PACRGL: variants seen among roughly 807,000 people sequenced by gnomAD.
PACRGL encodes PACRG-like protein.
In PACRGL, 38 loss-of-function variants were observed where a neutral mutation model predicts 34.5. The observed-to-expected ratio is 1.10, with a 90% confidence interval of 0.85 to 1.44. The LOEUF (loss-of-function observed/expected upper bound fraction) is 1.44, where lower values mean the gene tolerates loss of function less well. Among genes scored for constraint, PACRGL ranks in the 40% most tolerant of loss-of-function variants. The pLI is 0.00. For synonymous variants in PACRGL, 128 were observed against 100.1 expected, an observed-to-expected ratio of 1.28 and a Z score of -1.66; for missense variants, 305 against 281.4, an observed-to-expected ratio of 1.08 and a Z score of -0.60.
At chr4:20,758,246 TTAAAA>T in the PACRGL span, among the ~76,000 whole-genome samples, 1 of 152,198 alleles carries the variant, frequency 6.6e-6, no homozygotes, top group African/African-American at 2.4e-5. Flanking sequence ...TTCTTTCCAA[TTAAAA>T]TAATATCTAG....
chr4:20,767,245 G>C, the PACRGL span: 13 of 152,100 alleles, frequency 8.5e-5, no homozygotes, highest in African/African-American at 3.1e-4. Context: ...CTATTCTAGT[G>C]TTATAAGTTG....
At chr4:20,732,744 AC>A, downstream of PACRGL, 1 of 1,612,788 alleles carries the variant, frequency 6.2e-7, no homozygotes. Flanking sequence ...ATGTACATTT[AC>A]CCATCATATC....
exon 9 of PACRGL, chr4:20,752,810 G>A (rs1037300984): frequency 4.6e-5 from 7 of 152,152 alleles, no homozygotes; most frequent in Non-Finnish European, 7.3e-5. Context: ...ATAAAATGAC[G>A]AAAAGAGAAA....
intron 8 of PACRGL, among the ~76,000 whole-genome samples, chr4:20,745,765 C>G (rs1396067795): frequency 6.6e-6 from 1 of 152,156 alleles, no homozygotes; most frequent in Non-Finnish European, 1.5e-5. Context: ...TAATGAGTGC[C>G]TCAGTGCTGG....
At chr4:20,726,700 T>G (rs1053630305) in intron 8 of PACRGL, among the ~76,000 whole-genome samples, 1 of 152,224 alleles carries the variant, frequency 6.6e-6, no homozygotes. Context: ...TATTCAACTT[T>G]TGGATACAGG....
intron 7 of PACRGL, among the ~76,000 whole-genome samples, chr4:20,717,208 A>G (rs1740536056): frequency 6.6e-6 from 1 of 151,770 alleles, no homozygotes; most frequent in African/African-American, 2.4e-5. Flanking sequence ...AATTTGTTTG[A>G]GTTCTTTGTG....
At chr4:20,761,032 TAAGTA>T in the PACRGL span, among the ~76,000 whole-genome samples, 2 of 152,178 alleles carry the variant, frequency 1.3e-5, no homozygotes, top group Non-Finnish European at 2.9e-5. Context: ...TGGTAGACTT[TAAGTA>T]AAGCAGATTG....
At chr4:20,751,366 T>G (rs1753595045) in intron 8 of PACRGL, among the ~76,000 whole-genome samples, 1 of 152,106 alleles carries the variant, frequency 6.6e-6, no homozygotes, top group Non-Finnish European at 1.5e-5. Flanking sequence ...ACCATAAACT[T>G]AGTTCTGTTG....
At position 20,704,780 on chromosome 4, in the gene PACRGL, C is replaced by A. The variant is rs747894134; in HGVS notation, c.173C>A (p.Pro58Gln). ...TCTGCAAGAAAACTTCATCCTAGAC[C>A]AAGTGATAAACTGAACCCTAAAACA... ...PESARKLHPR[P>Q]SDKLNPKTIN... Residue 58 changes from proline (P) to glutamine (Q), a missense_variant, in exon 3 of 9, where the codon CCA becomes CAA. By Grantham distance (76) the Pro-to-Gln change is moderately conservative. Transcript: ENST00000503585. 1.9e-6 allele frequency: 3 copies of A among 1,614,084 alleles called. No homozygotes were observed. The highest frequency in any genetic ancestry group is 2.5e-6 in the Non-Finnish European group (3 of 1,179,954).
rs7688805 is a variant in PACRGL at position 20,730,711 on chromosome 4, A to G, written c.*3370A>G. 1.3e-5 allele frequency among the ~76,000 whole-genome samples: 2 copies of G among 152,120 alleles called. No individual in the cohort carries two copies. The highest frequency in any genetic ancestry group is 4.8e-5 in the African/African-American group (2 of 41,418). ...ATGGTCTCTCAATTACAGAGAAAGAATTGGGGAGCAGAAACCACTGCTCAG... is the reference window on the plus strand; with the variant it reads ...ATGGTCTCTCAATTACAGAGAAAGAGTTGGGGAGCAGAAACCACTGCTCAG... On this transcript the variant is annotated 3_prime_UTR_variant, in exon 9 of 9. Coordinates refer to ENST00000503585, the MANE Select transcript of PACRGL (RefSeq NM_001258345.3).
chr4:20,718,471 C>A (rs1315728065), intron 7 of PACRGL, among the ~76,000 whole-genome samples: 1 of 152,122 alleles, frequency 6.6e-6, no homozygotes, highest in African/African-American at 2.4e-5. Flanking sequence ...GTGGGTGTGT[C>A]ATAAATAGCT....
upstream of PACRGL, among the ~76,000 whole-genome samples, chr4:20,697,402 C>T (rs1056374656): frequency 6.6e-6 from 1 of 151,866 alleles, no homozygotes; most frequent in Non-Finnish European, 1.5e-5. Flanking sequence ...TTTCACAAGT[C>T]AATGAGAACC....
the PACRGL span, among the ~76,000 whole-genome samples, chr4:20,763,656 C>T: frequency 3.9e-5 from 6 of 152,288 alleles, no homozygotes; most frequent in African/African-American, 1.4e-4. Flanking sequence ...ATCCCTGTGG[C>T]ATGTTTGAAA....
chr4:20,734,557 G>T, downstream of PACRGL: 1 of 725,564 alleles, frequency 1.4e-6, no homozygotes, highest in Non-Finnish European at 2.2e-6. Context: ...ATTAATAATT[G>T]CAATTAATAT....
At chr4:20,743,256 T>C (rs1324352410) in intron 8 of PACRGL, among the ~76,000 whole-genome samples, 1 of 152,014 alleles carries the variant, frequency 6.6e-6, no homozygotes, top group Non-Finnish European at 1.5e-5. Context: ...CTTCACAAAA[T>C]TGGAAAAAAC....
chr4:20,751,773 T>C lies in PACRGL; in HGVS notation c.*57-792T>C, dbSNP rs143954750. 4.2e-3 allele frequency among the ~76,000 whole-genome samples: 646 copies of C among 152,310 alleles called. 8 individuals are homozygous for C. Among genetic ancestry groups the C allele is most frequent in the Admixed American group, 0.012 (179 of 15,300 alleles). On this transcript the variant is annotated intron_variant, in intron 8 of 8. Coordinates refer to the PACRGL transcript ENST00000507634. ...AGTTTTTCTAGCTTAAAGCTTGATA[T>C]GTGGGAATTATGCTTTCAAGGTTTA...
intron 1 of PACRGL, among the ~76,000 whole-genome samples, chr4:20,704,073 AT>A (rs912859405): frequency 2.6e-5 from 4 of 152,186 alleles, no homozygotes; most frequent in African/African-American, 9.6e-5. Flanking sequence ...ACATGTTAAC[AT>A]TTGGAGCTTT....
At chr4:20,703,004 A>T (rs770491486) in intron 1 of PACRGL, among the ~76,000 whole-genome samples, 3 of 152,216 alleles carry the variant, frequency 2.0e-5, no homozygotes, top group African/African-American at 4.8e-5. Context: ...AAGCTGGTAC[A>T]TCATGTTTGA....
chr4:20,701,438 A>G, intron 1 of PACRGL: 1 of 159,292 alleles, frequency 6.3e-6, no homozygotes, highest in Non-Finnish European at 1.4e-5. Context: ...TCTAATATCT[A>G]TAATTAGAAT....
Sources: allele counts gnomAD v4.1 joint callset (sites outside exome capture counted in the v4.1 genomes callset), GRCh38; gene constraint gnomAD v4.1.1; transcripts MANE v1.5; gene names NCBI Gene and HGNC (gene_info 2026-07-23, HGNC 2026-07-21).